Variants in NFIA observed in about 807,000 individuals in gnomAD.
NFIA encodes nuclear factor I A.
A neutral mutation model predicts 62.8 loss-of-function variants in NFIA; 8 were observed. The observed-to-expected ratio is 0.13, with a 90% CI of 0.07 to 0.23. The LOEUF (loss-of-function observed/expected upper bound fraction) is 0.23, where lower values mean the gene tolerates loss of function less well. Ranked by LOEUF, NFIA falls within the 10% of genes least tolerant of loss-of-function variation. The probability of loss-of-function intolerance (pLI) is 1.00; values close to 1 mark genes in which losing one functional copy is unlikely to be tolerated. For synonymous variants in NFIA, 235 were observed against 238.1 expected (o/e 0.99, Z 0.12); for missense variants, 410 against 642.1 (o/e 0.64, Z 3.91).
At position 61,159,165 on chromosome 1, in the gene NFIA, C is replaced by A. The variant is rs952667717; in HGVS notation, c.559+70485C>A. Among the ~76,000 whole-genome samples, 4 of 151,700 alleles carry A rather than the reference C, an allele frequency of 2.6e-5. No homozygotes were observed. The South Asian group carries it at 8.3e-4, about 32-fold the overall frequency. On this transcript the variant is annotated intron_variant, in intron 2 of 10. Transcript: ENST00000403491. ...GAGACTAGTAATAAAGGTAATTTAA[C>A]CTAGTTTAATATTTTTTTTAAAGGC...
chr1:61,145,640 C>T (rs527483206), intron 2 of NFIA, among the ~76,000 whole-genome samples: 1 of 152,120 alleles, frequency 6.6e-6, no homozygotes, highest in South Asian at 2.1e-4. Context: ...TGGAGTAATG[C>T]GTTATATGCA....
intron 2 of NFIA, among the ~76,000 whole-genome samples, chr1:61,139,321 A>G (rs1380229293): frequency 3.9e-5 from 6 of 152,218 alleles, no homozygotes; most frequent in African/African-American, 1.4e-4. Flanking sequence ...TGTAGATCCC[A>G]TTATTAGGTA....
At chr1:61,149,765 A>G (rs964478565) in intron 2 of NFIA, among the ~76,000 whole-genome samples, 2 of 152,152 alleles carry the variant, frequency 1.3e-5, no homozygotes, top group Non-Finnish European at 2.9e-5. Flanking sequence ...TGGAGGGGAC[A>G]ATATTAACTT....
chr1:61,354,907 C>T (rs568015180), intron 5 of NFIA, among the ~76,000 whole-genome samples: 1 of 152,130 alleles, frequency 6.6e-6, no homozygotes, highest in South Asian at 2.1e-4. Flanking sequence ...ACAAGGACAC[C>T]GTCCTTGGCA....
At chr1:61,148,750 A>G (rs1317827877) in intron 2 of NFIA, among the ~76,000 whole-genome samples, 2 of 152,262 alleles carry the variant, frequency 1.3e-5, no homozygotes, top group Non-Finnish European at 1.5e-5. Context: ...CATTTATAGC[A>G]TCAGTATCAG....
chr1:61,097,830 C>T (rs984265733), intron 2 of NFIA, among the ~76,000 whole-genome samples: 1 of 152,074 alleles, frequency 6.6e-6, no homozygotes, highest in African/African-American at 2.4e-5. Flanking sequence ...ATACAGGGTC[C>T]CATCATTGTC....
chr1:61,139,061 C>A (rs1204327681), intron 2 of NFIA, among the ~76,000 whole-genome samples: 3 of 151,926 alleles, frequency 2.0e-5, no homozygotes, highest in Non-Finnish European at 4.4e-5. Flanking sequence ...GCCTGTAATC[C>A]CAGCTACTTG....
intron 3 of NFIA, among the ~76,000 whole-genome samples, chr1:61,292,460 T>C (rs1166572745): frequency 6.6e-6 from 1 of 152,222 alleles, no homozygotes; most frequent in Non-Finnish European, 1.5e-5. Flanking sequence ...TTTATTAATA[T>C]ATAATCCCTG....
At chr1:61,084,141 C>T (rs768363939) in intron 1 of NFIA, among the ~76,000 whole-genome samples, 1 of 152,104 alleles carries the variant, frequency 6.6e-6, no homozygotes, top group African/African-American at 2.4e-5. Flanking sequence ...TCACCTCTCC[C>T]TTAAAAAACC....
intron 3 of NFIA, among the ~76,000 whole-genome samples, chr1:61,280,650 C>T (rs939707097): frequency 6.6e-6 from 1 of 152,122 alleles, no homozygotes; most frequent in Non-Finnish European, 1.5e-5. Context: ...GCTGTTTCTT[C>T]CCTGTCCAAC....
At chr1:61,283,594 A>AAAAAGAAAAG (rs1553168463) in intron 3 of NFIA, among the ~76,000 whole-genome samples, 11 of 110,112 alleles carry the variant, frequency 1.0e-4, no homozygotes, top group South Asian at 6.2e-4. Flanking sequence ...AAAAAAAAAA[A>AAAAAGAAAAG]AAAAAAAAAA....
intron 4 of NFIA, among the ~76,000 whole-genome samples, chr1:61,345,141 C>A (rs78697046): frequency 0.038 from 5,743 of 152,214 alleles, 370 homozygotes; most frequent in African/African-American, 0.13. Flanking sequence ...TTGAAGAGAC[C>A]ATTTCCAAAA....
chr1:61,408,848 G>A (rs1310518966), intron 9 of NFIA, among the ~76,000 whole-genome samples: 1 of 152,202 alleles, frequency 6.6e-6, no homozygotes. Flanking sequence ...GATCAGTTCT[G>A]ATCATTGGAG....
intron 6 of NFIA, among the ~76,000 whole-genome samples, chr1:61,378,012 T>C (rs1664234495): frequency 1.3e-5 from 2 of 152,190 alleles, no homozygotes; most frequent in Admixed American, 1.3e-4. Flanking sequence ...TTTAAGAAGA[T>C]ACCTAAGGAA....
intron 5 of NFIA, among the ~76,000 whole-genome samples, 164 bp from the exon 6 acceptor site, chr1:61,358,983 C>T (rs531153235): frequency 1.3e-5 from 2 of 152,330 alleles, no homozygotes; most frequent in South Asian, 2.1e-4. Flanking sequence ...CTTTGTTCTA[C>T]ATCCAGTGAC....
chr1:61,416,475 A>G (rs778482932), intron 9 of NFIA, among the ~76,000 whole-genome samples: 7 of 152,126 alleles, frequency 4.6e-5, no homozygotes, highest in Non-Finnish European at 1.0e-4. Flanking sequence ...CACAGAGAGC[A>G]TGGGGTTCAG....
At chr1:61,111,268 A>G (rs965993757) in intron 2 of NFIA, among the ~76,000 whole-genome samples, 3 of 152,112 alleles carry the variant, frequency 2.0e-5, no homozygotes, top group Non-Finnish European at 4.4e-5. Flanking sequence ...TCTTTCCTAT[A>G]ACAATAACTG....
Position 61,456,323 on chromosome 1 carries a change from T to C in NFIA, c.*1003T>C, listed in dbSNP as rs1668297557. ...AAGAAAAAGGGGAGCTATTTTTGCT[T>C]TTTATGTTTTTTATTGTTAAACTTG... On this transcript the variant is annotated 3_prime_UTR_variant, in exon 11 of 11. Coordinates refer to ENST00000403491, the MANE Select transcript of NFIA (RefSeq NM_001134673.4). 1 of 152,352 alleles carries C rather than the reference T, an allele frequency of 6.6e-6. No homozygotes were observed. Among genetic ancestry groups the C allele is most frequent in the African/African-American group, 2.4e-5 (1 of 41,366 alleles). The allele number at this position is 152,352 out of a possible 1,614,324, so 9.4% of individuals were successfully genotyped here.
intron 2 of NFIA, among the ~76,000 whole-genome samples, chr1:61,161,294 A>G (rs1302230740): frequency 2.0e-5 from 3 of 152,190 alleles, no homozygotes; most frequent in Non-Finnish European, 4.4e-5. Flanking sequence ...ACATTTGGAA[A>G]TACATCTGAA....
Sources: gnomAD v4.1 joint callset for allele counts (sites outside exome capture counted in the v4.1 genomes callset) on GRCh38, gnomAD v4.1.1 for gene constraint, MANE v1.5 for transcripts, NCBI Gene and HGNC (gene_info 2026-07-23, HGNC 2026-07-21) for gene names.